Variants in TNIP3 observed in about 807,000 individuals in gnomAD.
TNIP3 encodes TNFAIP3-interacting protein 3.
A neutral mutation model predicts 54.1 loss-of-function variants in TNIP3; 34 were observed. The ratio of observed to expected loss-of-function variants is 0.63; its 90% CI spans 0.48 to 0.84. TNIP3 has a LOEUF of 0.84. Ranked by LOEUF, TNIP3 falls within the 40% of genes least tolerant of loss-of-function variation. TNIP3 has a pLI of 0.00. For synonymous variants in TNIP3, 134 were observed against 136.8 expected, an observed-to-expected ratio of 0.98 and a Z score of 0.14; for missense variants, 366 against 387.6, an observed-to-expected ratio of 0.94 and a Z score of 0.47.
intron 2 of TNIP3, among the ~76,000 whole-genome samples, chr4:121,185,051 C>T (rs1724935527): frequency 6.6e-6 from 1 of 152,244 alleles, no homozygotes; most frequent in Non-Finnish European, 1.5e-5. Context: ...TGTCACAAGA[C>T]TTTCTGGTCC....
At chr4:121,197,693 CA>C (rs1401903006) in intron 2 of TNIP3, among the ~76,000 whole-genome samples, 2 of 152,002 alleles carry the variant, frequency 1.3e-5, no homozygotes, top group South Asian at 2.1e-4. Flanking sequence ...TAAACATAAA[CA>C]AAAAACTGGG....
At chr4:121,200,760 C>T (rs1022856946) in intron 2 of TNIP3, among the ~76,000 whole-genome samples, 1 of 151,994 alleles carries the variant, frequency 6.6e-6, no homozygotes, top group African/African-American at 2.4e-5. Flanking sequence ...TTTTAATTTC[C>T]TCAGAGAGCT....
At chr4:121,146,907 G>A in intron 7 of TNIP3, 142 bp downstream of exon 7, 1 of 821,234 alleles carries the variant, frequency 1.2e-6, no homozygotes, top group Non-Finnish European at 1.8e-6. Flanking sequence ...TTACAAGATT[G>A]TTTAAGAATG....
intron 7 of TNIP3, 99 bp from the exon 8 acceptor site, chr4:121,142,875 T>C: frequency 1.1e-6 from 1 of 932,348 alleles, no homozygotes; most frequent in South Asian, 1.6e-5. Flanking sequence ...TTGACAGCAG[T>C]AATACCAACA....
intron 2 of TNIP3, among the ~76,000 whole-genome samples, chr4:121,213,198 T>C (rs530172843): frequency 6.6e-6 from 1 of 152,292 alleles, no homozygotes; most frequent in East Asian, 1.9e-4. Context: ...AAATCCACCA[T>C]ATCATTACCA....
chr4:121,219,073 A>C (rs1726925636), upstream of TNIP3, among the ~76,000 whole-genome samples: 1 of 151,908 alleles, frequency 6.6e-6, no homozygotes, highest in Non-Finnish European at 1.5e-5. Flanking sequence ...GGTGGTGTGC[A>C]CCTGTAATCC....
rs191139926 is a variant in TNIP3 at position 121,205,527 on chromosome 4, C to T, written c.68+10888G>A. Reference sequence around the variant, plus strand: ...TGACATAGTTTGGAAAGATCACTCTCGTTGGTGGGTTTAGAACAGCCTGTA... The same window carrying T: ...TGACATAGTTTGGAAAGATCACTCTTGTTGGTGGGTTTAGAACAGCCTGTA... On this transcript the variant is annotated intron_variant, in intron 2 of 12. Coordinates refer to the TNIP3 transcript ENST00000507879. Among the ~76,000 whole-genome samples, 20 of 152,106 alleles carry T rather than the reference C, an allele frequency of 1.3e-4. 1 individual carries two copies. Among genetic ancestry groups the T allele is most frequent in the South Asian group, 4.2e-4 (2 of 4,806 alleles).
upstream of TNIP3, among the ~76,000 whole-genome samples, chr4:121,221,490 ATGT>A (rs372955007): frequency 1.5e-3 from 227 of 152,360 alleles, no homozygotes; most frequent in Middle Eastern, 3.4e-3. Flanking sequence ...CAAATGCTCA[ATGT>A]TGTTAAGAAT....
chr4:121,218,423 G>C (rs190229655), upstream of TNIP3, among the ~76,000 whole-genome samples: 1 of 152,206 alleles, frequency 6.6e-6, no homozygotes, highest in African/African-American at 2.4e-5. Context: ...TTTTACATTT[G>C]TTATTATTCT....
At chr4:121,215,553 C>T (rs752512205) in intron 2 of TNIP3, among the ~76,000 whole-genome samples, 36 of 152,148 alleles carry the variant, frequency 2.4e-4, no homozygotes, top group Non-Finnish European at 4.4e-4. Flanking sequence ...CCTACCACCA[C>T]GTCTTTGTAC....
intron 1 of TNIP3, 136 bp downstream of exon 1, chr4:121,163,924 T>G: frequency 9.8e-7 from 1 of 1,018,724 alleles, no homozygotes; most frequent in Non-Finnish European, 1.3e-6. Flanking sequence ...TAATTTTGGT[T>G]AAAAATATAG....
intron 1 of TNIP3, among the ~76,000 whole-genome samples, chr4:121,163,571 T>C (rs564475954): frequency 2.0e-5 from 3 of 152,188 alleles, no homozygotes; most frequent in South Asian, 2.1e-4. Flanking sequence ...ATTAAAAACT[T>C]AAATGAATAG....
chr4:121,150,239 C>A lies in TNIP3; in HGVS notation c.493-20G>T. The stretch of plus-strand genomic sequence containing the variant: ...AAGAGCCTACGTAATAAGATAAGTA[C>A]ACTGTTGATCTAAGATTTACCACAT... On this transcript the variant is annotated intron_variant, in intron 5 of 10. Coordinates refer to ENST00000057513, the MANE Select transcript of TNIP3 (RefSeq NM_024873.6). The A allele has an allele frequency of 7.0e-7, 1 of 1,434,460 alleles. No individual in the cohort carries two copies. Among genetic ancestry groups the A allele is most frequent in the East Asian group, 2.3e-5 (1 of 43,682 alleles). The allele number at this position is 1,434,460 out of a possible 1,614,324, so 88.9% of individuals were successfully genotyped here.
At chr4:121,207,504 A>G (rs1434361995) in intron 2 of TNIP3, among the ~76,000 whole-genome samples, 1 of 152,212 alleles carries the variant, frequency 6.6e-6, no homozygotes, top group African/African-American at 2.4e-5. Flanking sequence ...TTTCTGTATT[A>G]TTTCATAATT....
intron 1 of TNIP3, among the ~76,000 whole-genome samples, chr4:121,162,731 C>G (rs1194178802): frequency 6.6e-6 from 1 of 152,196 alleles, no homozygotes; most frequent in African/African-American, 2.4e-5. Flanking sequence ...ATAGAGCATC[C>G]TGAACAATGG....
chr4:121,219,416 T>C (rs989364904), upstream of TNIP3, among the ~76,000 whole-genome samples: 1 of 152,242 alleles, frequency 6.6e-6, no homozygotes, highest in Non-Finnish European at 1.5e-5. Context: ...AGCCGAAAGA[T>C]GTCCTCTGTT....
At chr4:121,165,838 G>T (rs560632541), upstream of TNIP3, among the ~76,000 whole-genome samples, 2 of 152,256 alleles carry the variant, frequency 1.3e-5, no homozygotes, top group South Asian at 4.1e-4. Context: ...ACTCACATAA[G>T]ATCTGACTTT....
chr4:121,157,186 T>G lies in TNIP3; in HGVS notation c.271A>C (p.Lys91Gln), dbSNP rs201350525. ...AAERFLSTRE[K>Q]DPHQRQRKDD... ...TTTCTCTGCCTCTGATGCGGATCCT[T>G]CTCCCGCGTGCTGAGGAATCTTTCC... is the stretch of plus-strand genomic sequence containing the variant. The change falls in exon 4 of 11, where the codon AAG becomes CAG. Residue 91 changes from lysine (K) to glutamine (Q), a missense_variant. Lys to Gln is a moderately conservative substitution (Grantham distance 53). Transcript: ENST00000057513. 6.2e-7 allele frequency: 1 copy of G among 1,610,864 alleles called. No homozygotes were observed. The highest frequency in any genetic ancestry group is 1.3e-5 in the African/African-American group (1 of 74,828).
chr4:121,164,839 C>A (rs6534254), upstream of TNIP3, among the ~76,000 whole-genome samples: 42,545 of 151,928 alleles, frequency 0.28, 6,679 homozygotes, highest in African/African-American at 0.43. Flanking sequence ...TCTGTCTTTT[C>A]TATAAATCAA....
Sources: gnomAD v4.1 joint callset for allele counts (sites outside exome capture counted in the v4.1 genomes callset) on GRCh38, gnomAD v4.1.1 for gene constraint, MANE v1.5 for transcripts, NCBI Gene and HGNC (gene_info 2026-07-23, HGNC 2026-07-21) for gene names.